Variants in ARPP21 observed in about 807,000 individuals in gnomAD.
The protein encoded by ARPP21 is cAMP regulated phosphoprotein 21.
A neutral mutation model predicts 113.2 loss-of-function variants in ARPP21; 69 were observed. The observed-to-expected ratio is 0.61, with a 90% CI of 0.50 to 0.74. The LOEUF (loss-of-function observed/expected upper bound fraction) is 0.74, where lower values mean the gene tolerates loss of function less well. Ranked by LOEUF, ARPP21 falls within the 30% of genes least tolerant of loss-of-function variation. The pLI, the probability that ARPP21 is intolerant of heterozygous loss-of-function variation, is 0.00. For missense variants in ARPP21, 1,070 were observed against 1,037.4 expected (o/e 1.03, Z -0.43); for synonymous variants, 368 against 375.5 (o/e 0.98, Z 0.23).
At chr3:35,743,334 A>G (rs1040042498) in intron 18 of ARPP21, among the ~76,000 whole-genome samples, 6 of 152,230 alleles carry the variant, frequency 3.9e-5, no homozygotes, top group Admixed American at 3.3e-4. Flanking sequence ...CAACCATTGT[A>G]TGATCACGAC....
At chr3:35,728,840 T>C (rs2093741818) in intron 14 of ARPP21, among the ~76,000 whole-genome samples, 2 of 152,288 alleles carry the variant, frequency 1.3e-5, no homozygotes, top group East Asian at 3.9e-4. Context: ...AACCAGTACT[T>C]CAGAACCATG....
rs1559981611 is a variant in ARPP21, at chr3:35,792,374, C to G, written c.2138-8C>G. On this transcript the variant is annotated splice_polypyrimidine_tract_variant and splice_region_variant and intron_variant, in intron 19 of 20. Coordinates refer to ENST00000684406, the MANE Select transcript of ARPP21 (RefSeq NM_001385562.1). ...ACAACCAGTTCAAAAGATCTCTTTTCTTCGCAGGTTACCAGCCAGTCTTGT... is the reference window on the plus strand; with the variant it reads ...ACAACCAGTTCAAAAGATCTCTTTTGTTCGCAGGTTACCAGCCAGTCTTGT... 1 of 1,613,608 alleles carries G rather than the reference C, an allele frequency of 6.2e-7. No individual in the cohort carries two copies. Among genetic ancestry groups the G allele is most frequent in the Non-Finnish European group, 8.5e-7 (1 of 1,179,618 alleles).
intron 19 of ARPP21, among the ~76,000 whole-genome samples, chr3:35,764,427 G>A (rs1422642126): frequency 6.6e-6 from 1 of 152,134 alleles, no homozygotes; most frequent in Non-Finnish European, 1.5e-5. Context: ...AAGATTTTAT[G>A]AGGTTTTTTT....
At chr3:35,782,310 G>A (rs915494833) in intron 19 of ARPP21, among the ~76,000 whole-genome samples, 1 of 152,106 alleles carries the variant, frequency 6.6e-6, no homozygotes, top group Non-Finnish European at 1.5e-5. Context: ...ACTTCTCCTT[G>A]ATCTTTAACC....
intron 19 of ARPP21, among the ~76,000 whole-genome samples, chr3:35,765,782 T>C (rs2095949922): frequency 6.6e-6 from 1 of 152,144 alleles, no homozygotes; most frequent in East Asian, 1.9e-4. Flanking sequence ...CATAATGGAA[T>C]GGTTAAGCAT....
intron 14 of ARPP21, among the ~76,000 whole-genome samples, chr3:35,722,422 T>G (rs1488172616): frequency 6.6e-6 from 1 of 152,218 alleles, no homozygotes; most frequent in African/African-American, 2.4e-5. Flanking sequence ...AGTACCTATA[T>G]TGTAGAAATA....
intron 19 of ARPP21, among the ~76,000 whole-genome samples, chr3:35,750,230 C>T (rs993654870): frequency 6.8e-6 from 1 of 147,880 alleles, no homozygotes; most frequent in Non-Finnish European, 1.5e-5. Flanking sequence ...TTCAGTCTTG[C>T]TTTAGCTGTG....
At chr3:35,696,161 A>C (rs761215548) in intron 9 of ARPP21, among the ~76,000 whole-genome samples, 38 of 151,576 alleles carry the variant, frequency 2.5e-4, no homozygotes, top group Admixed American at 4.0e-4. Context: ...TCTGGTATTG[A>C]CTAATGGGAT....
At chr3:35,779,233 T>C (rs2096465200) in intron 19 of ARPP21, among the ~76,000 whole-genome samples, 1 of 152,140 alleles carries the variant, frequency 6.6e-6, no homozygotes, top group East Asian at 1.9e-4. Flanking sequence ...GCAGCAGAAG[T>C]GGCACAATTG....
chr3:35,641,607 A>G (rs1159051289), intron 1 of ARPP21: 1 of 152,230 alleles, frequency 6.6e-6, no homozygotes, highest in Non-Finnish European at 1.5e-5. Flanking sequence ...CGAGTAATCT[A>G]CTATCTTGGC....
rs186630098 is a variant in ARPP21 at position 35,706,833 on chromosome 3, G to A, written c.687-141G>A. 608 of 612,900 alleles carry A rather than the reference G, an allele frequency of 9.9e-4. 5 individuals are homozygous for A. Among genetic ancestry groups the A allele is most frequent in the Middle Eastern group, 6.6e-3 (15 of 2,282 alleles). 38.0% of individuals were successfully genotyped at this position (612,900 alleles called of 1,614,324 possible). A position where few individuals can be genotyped will look rare whatever the true frequency, so the allele number is the denominator to read the frequency against. On this transcript the variant is annotated intron_variant, in intron 9 of 20. Transcript: ENST00000684406. Reference sequence around the variant, plus strand: ...TGAAGTGACATATTATTACCTACCTGTATATTGCCAGCAACTCTAGTATGA... The same window carrying A: ...TGAAGTGACATATTATTACCTACCTATATATTGCCAGCAACTCTAGTATGA...
At position 35,640,075 on chromosome 3, in the gene ARPP21, C is replaced by T. The variant is rs1697562503; in HGVS notation, c.-536C>T. 6.6e-6 allele frequency: 1 copy of T among 152,350 alleles called. No individual in the cohort carries two copies. 9.4% of individuals were successfully genotyped at this position (152,350 alleles called of 1,614,324 possible). A position where few individuals can be genotyped will look rare whatever the true frequency, so the allele number is the denominator to read the frequency against. On this transcript the variant is annotated 5_prime_UTR_variant, in exon 1 of 21. Coordinates refer to ENST00000684406, the MANE Select transcript of ARPP21 (RefSeq NM_001385562.1). ...GGCGGTGGCACCTTCTGAGCGCGTCCGGAGCAGAGACCAGCAGCAGCAGGG... is the reference window on the plus strand; with the variant it reads ...GGCGGTGGCACCTTCTGAGCGCGTCTGGAGCAGAGACCAGCAGCAGCAGGG...
At chr3:35,724,672 C>T (rs1331432580) in intron 14 of ARPP21, among the ~76,000 whole-genome samples, 1 of 152,174 alleles carries the variant, frequency 6.6e-6, no homozygotes, top group East Asian at 1.9e-4. Context: ...GGTGGTCTGG[C>T]TTGATGTTTT....
chr3:35,690,046 C>T, intron 7 of ARPP21, 35 bp from the exon 8 acceptor site: 2 of 902,712 alleles, frequency 2.2e-6, no homozygotes, highest in Non-Finnish European at 3.7e-6. Context: ...GTGGAACATA[C>T]ATAAAACCTT....
At chr3:35,752,429 C>T (rs899243991) in intron 19 of ARPP21, among the ~76,000 whole-genome samples, 13 of 151,950 alleles carry the variant, frequency 8.6e-5, no homozygotes, top group African/African-American at 3.1e-4. Flanking sequence ...TTTTGTTTCC[C>T]TCTGGAACAA....
At chr3:35,754,584 G>A (rs9871755) in intron 19 of ARPP21, among the ~76,000 whole-genome samples, 4,000 of 152,012 alleles carry the variant, frequency 0.026, 180 homozygotes, top group African/African-American at 0.088. Context: ...ATGAGAATGA[G>A]AAGTATAACA....
At chr3:35,663,443 A>G (rs1028734635) in intron 1 of ARPP21, among the ~76,000 whole-genome samples, 5 of 152,224 alleles carry the variant, frequency 3.3e-5, no homozygotes, top group Non-Finnish European at 7.3e-5. Context: ...TATACTTTGA[A>G]CTTTTTATTA....
intron 1 of ARPP21, among the ~76,000 whole-genome samples, chr3:35,668,021 A>AAGG (rs1254639006): frequency 7.4e-6 from 1 of 134,812 alleles, no homozygotes; most frequent in Admixed American, 7.4e-5. Context: ...GAAGAAGAAG[A>AAGG]AGAAGAAGAA....
chr3:35,695,377 A>T (rs1212652694), intron 9 of ARPP21, among the ~76,000 whole-genome samples: 1 of 151,588 alleles, frequency 6.6e-6, no homozygotes, highest in Non-Finnish European at 1.5e-5. Flanking sequence ...CAACTCACCA[A>T]CAACAGACTT....
Sources: gnomAD v4.1 joint callset for allele counts (sites outside exome capture counted in the v4.1 genomes callset) on GRCh38, gnomAD v4.1.1 for gene constraint, MANE v1.5 for transcripts, NCBI Gene and HGNC (gene_info 2026-07-23, HGNC 2026-07-21) for gene names.